The following VTI1A variants were observed in gnomAD, a reference collection of about 807,000 sequenced individuals.
VTI1A encodes vesicle transport through interaction with t-SNAREs 1A.
VTI1A carries 22 observed loss-of-function variants against 34.9 expected under a neutral mutation model. The observed-to-expected ratio is 0.63, with a 90% CI of 0.45 to 0.90. The LOEUF is 0.90. Among genes scored for constraint, VTI1A ranks in the 40% least tolerant of loss-of-function variants. The pLI is 0.00. For missense variants in VTI1A, 268 were observed against 275.6 expected, an observed-to-expected ratio of 0.97 and a Z score of 0.20; for synonymous variants, 87 against 97.3, an observed-to-expected ratio of 0.89 and a Z score of 0.62.
Position 112,527,110 on chromosome 10 carries a change from T to G in VTI1A, c.288T>G (p.Ser96Arg). 1.9e-6 allele frequency: 3 copies of G among 1,613,352 alleles called. No individual in the cohort carries two copies. Among genetic ancestry groups the G allele is most frequent in the Non-Finnish European group, 2.5e-6 (3 of 1,179,634 alleles). The part of the protein sequence containing the change: ...TDFKRSRIAY[S>R]DEVRNELLGD... The stretch of plus-strand genomic sequence containing the variant: ...AGAAAAGGTCACGGATCGCCTACAG[T>G]GACGAAGTACGGAATGAGCTCCTGG... The change falls in exon 4 of 8, where the codon AGT becomes AGG. Residue 96 changes from serine to arginine, a missense_variant. Coordinates refer to ENST00000393077, the MANE Select transcript of VTI1A (RefSeq NM_145206.4).
chr10:112,614,836 C>T (rs538270784), intron 5 of VTI1A, among the ~76,000 whole-genome samples: 1 of 152,170 alleles, frequency 6.6e-6, no homozygotes, highest in Non-Finnish European at 1.5e-5. Context: ...AGATCTGTGA[C>T]AGCAAGGCTC....
rs148223749 is a variant in VTI1A, at chr10:112,756,282, G to T, written c.561-59008G>T. On this transcript the variant is annotated intron_variant, in intron 7 of 7. Coordinates refer to ENST00000393077, the MANE Select transcript of VTI1A (RefSeq NM_145206.4). ...GCTTATCAATCTTTTTCCAAAAGGGGTGGGGCGGGGCAGTGTGTTACGGCA... is the reference window on the plus strand; with the variant it reads ...GCTTATCAATCTTTTTCCAAAAGGGTTGGGGCGGGGCAGTGTGTTACGGCA... 2.0e-4 allele frequency among the ~76,000 whole-genome samples: 31 copies of T among 152,286 alleles called. 1 individual carries two copies. The East Asian group carries it at 5.8e-3, about 28-fold the overall frequency.
intron 5 of VTI1A, among the ~76,000 whole-genome samples, chr10:112,641,279 C>G (rs550193935): frequency 1.5e-3 from 223 of 152,308 alleles, no homozygotes; most frequent in South Asian, 3.5e-3. Flanking sequence ...AGTGATCCCA[C>G]ATGTCCCACA....
chr10:112,576,959 A>T (rs1271644420), intron 5 of VTI1A, among the ~76,000 whole-genome samples: 1 of 152,224 alleles, frequency 6.6e-6, no homozygotes, highest in Non-Finnish European at 1.5e-5. Context: ...GTTGTTTTAA[A>T]AAAAGAAATG....
chr10:112,598,762 T>C (rs1844766529), intron 5 of VTI1A, among the ~76,000 whole-genome samples: 1 of 152,212 alleles, frequency 6.6e-6, no homozygotes, highest in African/African-American at 2.4e-5. Flanking sequence ...GATCCCTTTC[T>C]TTTAAATAAG....
At chr10:112,853,710 A>T in the VTI1A span, among the ~76,000 whole-genome samples, 1 of 152,192 alleles carries the variant, frequency 6.6e-6, no homozygotes, top group South Asian at 2.1e-4. Context: ...ATGGAGGAAA[A>T]GTGAAATTTC....
At chr10:112,814,929 T>A (rs891440607) in intron 7 of VTI1A, among the ~76,000 whole-genome samples, 1 of 152,112 alleles carries the variant, frequency 6.6e-6, no homozygotes, top group African/African-American at 2.4e-5. Context: ...GAGGCTTGTC[T>A]CGCCTTTTAA....
chr10:112,799,999 G>A (rs1382989583), intron 7 of VTI1A, among the ~76,000 whole-genome samples: 3 of 152,150 alleles, frequency 2.0e-5, no homozygotes, highest in Admixed American at 1.3e-4. Flanking sequence ...TCTAGAAAAC[G>A]TAACCACATC....
intron 5 of VTI1A, among the ~76,000 whole-genome samples, chr10:112,644,345 C>A (rs950748360): frequency 3.3e-5 from 5 of 152,186 alleles, no homozygotes; most frequent in Non-Finnish European, 7.4e-5. Context: ...ATGCCTATGC[C>A]AGCACTGTCA....
chr10:112,790,659 G>A (rs1852432354), intron 7 of VTI1A, among the ~76,000 whole-genome samples: 1 of 152,116 alleles, frequency 6.6e-6, no homozygotes, highest in Non-Finnish European at 1.5e-5. Flanking sequence ...CTAAGCTAAG[G>A]GGTGAGGTGG....
chr10:112,821,717 T>C (rs141887998), downstream of VTI1A, among the ~76,000 whole-genome samples: 92 of 152,300 alleles, frequency 6.0e-4, 1 homozygote, highest in African/African-American at 2.2e-3. Context: ...TGGCTAGGAC[T>C]CACCACCTCC....
the VTI1A span, among the ~76,000 whole-genome samples, chr10:112,840,684 G>A: frequency 1.3e-5 from 2 of 152,292 alleles, no homozygotes; most frequent in East Asian, 3.9e-4. Flanking sequence ...AGGCACAGGT[G>A]CCCTAAGAAT....
chr10:112,591,883 G>A lies in VTI1A; in HGVS notation c.427+53553G>A, dbSNP rs185590932. Among the ~76,000 whole-genome samples the A allele has an allele frequency of 3.0e-4, 46 of 152,316 alleles. 1 individual carries two copies. Among genetic ancestry groups the A allele is most frequent in the Admixed American group, 2.9e-3 (45 of 15,302 alleles). On this transcript the variant is annotated intron_variant, in intron 5 of 7. Coordinates refer to ENST00000393077, the MANE Select transcript of VTI1A (RefSeq NM_145206.4). ...TAGGAGATTTCCTCAATTAACCAGT[G>A]GGCCTAATCCAATCATGTTAGCCCT...
intron 5 of VTI1A, among the ~76,000 whole-genome samples, chr10:112,593,202 T>G (rs7903835): frequency 0.11 from 16,666 of 152,244 alleles, 1,019 homozygotes; most frequent in African/African-American, 0.14. Context: ...TAGGAACTTT[T>G]AAAAATGACT....
chr10:112,578,667 A>G (rs542221805), intron 5 of VTI1A, among the ~76,000 whole-genome samples: 1 of 152,314 alleles, frequency 6.6e-6, no homozygotes, highest in Non-Finnish European at 1.5e-5. Flanking sequence ...ACTTTTACTT[A>G]ATATTTTCAA....
chr10:112,646,633 C>G (rs1421206319), intron 5 of VTI1A, among the ~76,000 whole-genome samples: 1 of 151,894 alleles, frequency 6.6e-6, no homozygotes, highest in African/African-American at 2.4e-5. Flanking sequence ...CTCAGCCTCC[C>G]GAGTAGCTGG....
chr10:112,803,038 C>G (rs1477019595), intron 7 of VTI1A, among the ~76,000 whole-genome samples: 1 of 152,136 alleles, frequency 6.6e-6, no homozygotes, highest in African/African-American at 2.4e-5. Context: ...CCACTTTTCC[C>G]AGTCGTCCCA....
chr10:112,546,458 A>G (rs1366276860), intron 5 of VTI1A, among the ~76,000 whole-genome samples: 1 of 152,074 alleles, frequency 6.6e-6, no homozygotes. Flanking sequence ...AATAATTAAT[A>G]TGGCTATGTC....
At chr10:112,745,601 A>G (rs1441921129) in intron 7 of VTI1A, among the ~76,000 whole-genome samples, 1 of 152,178 alleles carries the variant, frequency 6.6e-6, no homozygotes, top group Non-Finnish European at 1.5e-5. Flanking sequence ...ATCCCACTAC[A>G]TCCAAAGTAA....
Sources: gnomAD v4.1 joint callset for allele counts (sites outside exome capture counted in the v4.1 genomes callset) on GRCh38, gnomAD v4.1.1 for gene constraint, MANE v1.5 for transcripts, NCBI Gene and HGNC (gene_info 2026-07-23, HGNC 2026-07-21) for gene names.